MORC2: variants seen among roughly 807,000 people sequenced by gnomAD.
MORC2 encodes MORC family CW-type zinc finger 2.
A neutral mutation model predicts 136.0 loss-of-function variants in MORC2; 30 were observed. The observed-to-expected ratio is 0.22, with a 90% CI of 0.17 to 0.30. The LOEUF (loss-of-function observed/expected upper bound fraction) is 0.30, where lower values mean the gene tolerates loss of function less well. MORC2 is among the 10% of genes least tolerant of loss of function. MORC2 has a pLI of 1.00. For missense variants in MORC2, 922 were observed against 1,333.1 expected (o/e 0.69, Z 4.80); for synonymous variants, 439 against 487.0 (o/e 0.90, Z 1.30).
rs1442568867 is a variant in MORC2 at position 30,949,845 on chromosome 22, G to GA, written c.227-4dup. The GA allele has an allele frequency of 6.2e-7, 1 of 1,613,766 alleles. No individual in the cohort carries two copies. The highest frequency in any genetic ancestry group is 1.3e-5 in the African/African-American group (1 of 74,912). ...CTGGATCACACTGGCAGCATCACCT[G>GA]AAAGGGCAGACACAAGAGAAAGTGA... is the stretch of plus-strand genomic sequence containing the variant. On this transcript the variant is annotated splice_polypyrimidine_tract_variant and splice_region_variant and intron_variant, in intron 4 of 25. Coordinates refer to ENST00000397641, the MANE Select transcript of MORC2 (RefSeq NM_001303256.3).
At chr22:30,959,199 G>A (rs191182143) in intron 1 of MORC2, among the ~76,000 whole-genome samples, 1 of 152,290 alleles carries the variant, frequency 6.6e-6, no homozygotes, top group African/African-American at 2.4e-5. Context: ...TGATAACTGT[G>A]TATTTACTCA....
At chr22:30,955,250 G>A (rs183885060) in intron 3 of MORC2, among the ~76,000 whole-genome samples, 3 of 151,890 alleles carry the variant, frequency 2.0e-5, no homozygotes, top group East Asian at 3.9e-4. Context: ...GAGCCACCAC[G>A]CCCAGCCTTG....
rs781527357 is a variant in MORC2, at chr22:30,934,999, G to A, written c.1975C>T (p.Arg659Trp). The change falls in exon 19 of 26, where the codon CGG (arginine) becomes TGG (tryptophan). Residue 659 changes from arginine (R) to tryptophan (W), a missense_variant. Coordinates refer to ENST00000397641, the MANE Select transcript of MORC2 (RefSeq NM_001303256.3). This position sits in a 1 kb window ranked among gnomAD's most constrained non-coding sequence, Gnocchi z 4.4. ...STPKLPALAAREEASTSRLLQ... is the reference protein window; with the variant it reads ...STPKLPALAAWEEASTSRLLQ... ...AGCCTAGATGTGCTGGCCTCCTCCC[G>A]GGCTGCCAAAGCAGGGAGCTTTGGG... 35 of 1,614,090 alleles carry A rather than the reference G, an allele frequency of 2.2e-5. No homozygotes were observed. The highest frequency in any genetic ancestry group is 2.9e-5 in the Non-Finnish European group (34 of 1,180,026).
chr22:30,950,842 G>A (rs747976671), intron 3 of MORC2, among the ~76,000 whole-genome samples: 5 of 152,142 alleles, frequency 3.3e-5, no homozygotes, highest in Non-Finnish European at 7.3e-5. Context: ...ACCACACACT[G>A]TACTTTATCA....
chr22:30,964,121 G>T (rs2041089687), intron 1 of MORC2, among the ~76,000 whole-genome samples: 1 of 152,140 alleles, frequency 6.6e-6, no homozygotes, highest in Non-Finnish European at 1.5e-5. Flanking sequence ...ACTTTGGGAG[G>T]CCGAGGCAGG....
At position 30,934,190 on chromosome 22, in the gene MORC2, G is replaced by A; in HGVS notation, c.2195C>T (p.Ala732Val). 2.5e-6 allele frequency: 4 copies of A among 1,614,128 alleles called. No individual in the cohort carries two copies. Among genetic ancestry groups the A allele is most frequent in the Non-Finnish European group, 3.4e-6 (4 of 1,180,022 alleles). Residue 732 changes from alanine to valine, a missense_variant and splice_region_variant, in exon 20 of 26, where the codon GCT becomes GTT. Coordinates refer to ENST00000397641, the MANE Select transcript of MORC2 (RefSeq NM_001303256.3). This position sits in a 1 kb window ranked among gnomAD's most constrained non-coding sequence, Gnocchi z 4.4. ...GACACTCCGCTTCCGACTAGGGGTA[G>A]CCTAGAGCAAGAGGAGCGTGAGGAT... ...KTESPIKLSPATPSRKRSVAV... is the reference protein window; with the variant it reads ...KTESPIKLSPVTPSRKRSVAV...
chr22:30,949,763 A>G lies in MORC2; in HGVS notation c.306T>C (p.Asn102=), dbSNP rs1404451167. ...PESTQIGQYG[N]GLKSGSMRIG... ...TCTAATATACCTACGATTTTAACCC[A>G]TTCCCGTACTGCCCAATCTGAGTAG... Residue 102 remains asparagine (N), a synonymous_variant, in exon 5 of 26, where the codon AAT becomes AAC. Coordinates refer to ENST00000397641, the MANE Select transcript of MORC2 (RefSeq NM_001303256.3). 1 of 1,614,076 alleles carries G rather than the reference A, an allele frequency of 6.2e-7. No individual in the cohort carries two copies. Among genetic ancestry groups the G allele is most frequent in the Non-Finnish European group, 8.5e-7 (1 of 1,179,946 alleles).
intron 16 of MORC2, 137 bp from the exon 17 acceptor site, chr22:30,936,780 T>C (rs768099083): frequency 7.6e-6 from 10 of 1,311,198 alleles, no homozygotes; most frequent in South Asian, 1.3e-5. Flanking sequence ...ATTAATCTTA[T>C]ACACTGCAGG....
chr22:30,925,430 CA>C lies in MORC2; in HGVS notation c.*1372del. ...CCTAGAGATGTAGTCTGGGAAGGTC[CA>C]AAACCCACCAGACAGGCACATCCAG... On this transcript the variant is annotated 3_prime_UTR_variant, in exon 26 of 26. Transcript: ENST00000397641. 6.1e-6 allele frequency: 1 copy of C among 163,514 alleles called. No homozygotes were observed. Among genetic ancestry groups the C allele is most frequent in the Non-Finnish European group, 1.3e-5 (1 of 74,098 alleles). 10.1% of individuals were successfully genotyped at this position (163,514 alleles called of 1,614,324 possible).
At chr22:30,957,967 T>G (rs1210660971) in intron 2 of MORC2, among the ~76,000 whole-genome samples, 1 of 152,220 alleles carries the variant, frequency 6.6e-6, no homozygotes, top group Non-Finnish European at 1.5e-5. Context: ...TCAGTAAATG[T>G]GTCTGAATTT....
chr22:30,953,262 TGTA>T (rs2040916902), intron 3 of MORC2, among the ~76,000 whole-genome samples: 1 of 152,172 alleles, frequency 6.6e-6, no homozygotes, highest in Admixed American at 6.5e-5. Flanking sequence ...AGCTGGGGGT[TGTA>T]TGTTCCCCGC....
At chr22:30,967,481 T>A (rs1423541375) in intron 1 of MORC2, 1 of 1,077,354 alleles carries the variant, frequency 9.3e-7, no homozygotes, top group East Asian at 7.9e-5. Context: ...AAACGGTTGA[T>A]ACTAAAATAG....
At position 30,968,311 on chromosome 22, in the gene MORC2, A is replaced by G. The variant is rs533301522; in HGVS notation, c.-422T>C. On this transcript the variant is annotated 5_prime_UTR_variant, in exon 1 of 26. Coordinates refer to ENST00000397641, the MANE Select transcript of MORC2 (RefSeq NM_001303256.3). The stretch of plus-strand genomic sequence containing the variant: ...CCCGAAATTTCCTGTCAGGAAATTT[A>G]CCAACGCGGAAATTTACCCACTTCT... 7.6e-5 allele frequency: 12 copies of G among 158,430 alleles called. 1 individual carries two copies. In the South Asian group the frequency reaches 1.9e-3, roughly 25 times the overall value. The allele number at this position is 158,430 out of a possible 1,614,324, so 9.8% of individuals were successfully genotyped here. A position where few individuals can be genotyped will look rare whatever the true frequency, so the allele number is the denominator to read the frequency against.
In MORC2 at chr22:30,933,495, T is replaced by C. The variant is rs1294128558; in HGVS notation, c.2351A>G (p.Asp784Gly). The C allele has an allele frequency of 1.9e-6, 3 of 1,613,720 alleles. No individual in the cohort carries two copies. The highest frequency in any genetic ancestry group is 1.7e-5 in the Admixed American group (1 of 59,994). ...NELSDSAGEE[D>G]SADLKRAQKD... ...CTGAGCTCTCTTGAGGTCAGCCGAG[T>C]CCTCTTCCCCAGCACTGTCTGAGAG... The change falls in exon 21 of 26, where the codon GAC (aspartate) becomes GGC (glycine). Residue 784 changes from aspartate (D) to glycine (G), a missense_variant. Asp to Gly is a moderately conservative substitution (Grantham distance 94). This residue lies in a region of MORC2 where 263 missense variants were observed against 388.3 expected (regional missense o/e 0.68). Coordinates refer to ENST00000397641, the MANE Select transcript of MORC2 (RefSeq NM_001303256.3).
chr22:30,936,646 G>A lies in MORC2; in HGVS notation c.1605-3C>T, dbSNP rs111618347. On this transcript the variant is annotated splice_region_variant and splice_polypyrimidine_tract_variant and intron_variant, in intron 16 of 25. Transcript: ENST00000397641. ...GCTTTTGTTCAGAAGCCTCACACCTGTAGAGACAAGGTACTACAGAGGTCG... is the reference window on the plus strand; with the variant it reads ...GCTTTTGTTCAGAAGCCTCACACCTATAGAGACAAGGTACTACAGAGGTCG... 1.8e-5 allele frequency: 29 copies of A among 1,613,658 alleles called. No individual in the cohort carries two copies. Among genetic ancestry groups the A allele is most frequent in the African/African-American group, 6.7e-5 (5 of 75,002 alleles).
rs769690206 is a variant in MORC2, at chr22:30,938,019, C to T, written c.1214+46G>A. 29 of 1,613,696 alleles carry T rather than the reference C, an allele frequency of 1.8e-5. No individual in the cohort carries two copies. In the South Asian group the frequency reaches 3.2e-4, roughly 18 times the overall value. On this transcript the variant is annotated intron_variant, in intron 13 of 25. Transcript: ENST00000397641. The stretch of plus-strand genomic sequence containing the variant: ...CTGTCACCCCACTGGCAACGCCCTC[C>T]TGCCAACTATCCTGGGCTAGACAGC...
At chr22:30,933,426 C>G in intron 21 of MORC2, 40 bp downstream of exon 21, 4 of 1,608,264 alleles carry the variant, frequency 2.5e-6, no homozygotes, top group Non-Finnish European at 3.4e-6. Context: ...CTCCCACTCC[C>G]ACCCCCGCCA....
In MORC2 at chr22:30,968,147, T is replaced by C. The variant is rs1327201854; in HGVS notation, c.-258A>G. The C allele has an allele frequency of 1.4e-5, 6 of 435,786 alleles. No homozygotes were observed. Among genetic ancestry groups the C allele is most frequent in the African/African-American group, 6.1e-5 (3 of 49,398 alleles). 27.0% of individuals were successfully genotyped at this position (435,786 alleles called of 1,614,324 possible). A position where few individuals can be genotyped will look rare whatever the true frequency, so the allele number is the denominator to read the frequency against. Reference sequence around the variant, plus strand: ...GAACTATGTCATAAATCTGTAGCTTTAAGGAGCTTTTAGCATTAAGTTGCG... The same window carrying C: ...GAACTATGTCATAAATCTGTAGCTTCAAGGAGCTTTTAGCATTAAGTTGCG... On this transcript the variant is annotated 5_prime_UTR_variant, in exon 1 of 26. It removes the in-frame stop codon of an upstream open reading frame in the 5' UTR. Coordinates refer to ENST00000397641, the MANE Select transcript of MORC2 (RefSeq NM_001303256.3).
In MORC2 at chr22:30,934,456, C is replaced by T. The variant is rs934392853; in HGVS notation, c.2194-265G>A. On this transcript the variant is annotated intron_variant, in intron 19 of 25. Coordinates refer to ENST00000397641, the MANE Select transcript of MORC2 (RefSeq NM_001303256.3). This position sits in a 1 kb window ranked among gnomAD's most constrained non-coding sequence, Gnocchi z 4.4. Reference sequence around the variant, plus strand: ...TAGCTGTCACCTCCCCAAGAACCACCGACCACTGCCGCAGCCCACTCAGGC... The same window carrying T: ...TAGCTGTCACCTCCCCAAGAACCACTGACCACTGCCGCAGCCCACTCAGGC... Among the ~76,000 whole-genome samples, 5 of 152,190 alleles carry T rather than the reference C, an allele frequency of 3.3e-5. No individual in the cohort carries two copies. Among genetic ancestry groups the T allele is most frequent in the African/African-American group, 4.8e-5 (2 of 41,454 alleles).
Sources: gnomAD v4.1 joint callset for allele counts (sites outside exome capture counted in the v4.1 genomes callset) on GRCh38, gnomAD v4.1.1 for gene constraint, gnomAD v4.1.1 regional missense constraint, Gnocchi (gnomAD v3.1) non-coding constraint, MANE v1.5 for transcripts, NCBI Gene and HGNC (gene_info 2026-07-23, HGNC 2026-07-21) for gene names.